The following AGBL4 variants were observed in gnomAD, a reference collection of about 807,000 sequenced individuals.
The protein encoded by AGBL4 is AGBL carboxypeptidase 4.
In AGBL4, 58 loss-of-function variants were observed where a neutral mutation model predicts 66.4. The observed-to-expected ratio is 0.87, with a 90% CI of 0.71 to 1.09. The LOEUF (loss-of-function observed/expected upper bound fraction) is 1.09. AGBL4 is among the 50% of genes least tolerant of loss of function. The probability of loss-of-function intolerance (pLI) is 0.00; values close to 1 mark genes in which losing one functional copy is unlikely to be tolerated. For missense variants in AGBL4, 579 were observed against 631.0 expected (o/e 0.92, Z 0.88); for synonymous variants, 234 against 222.9 (o/e 1.05, Z -0.44).
At chr1:49,757,624 C>T (rs1455622643) in intron 2 of AGBL4, among the ~76,000 whole-genome samples, 1 of 152,148 alleles carries the variant, frequency 6.6e-6, no homozygotes, top group South Asian at 2.1e-4. Flanking sequence ...AGATGAGGAC[C>T]TTCTTGAGAA....
chr1:48,681,612 C>G (rs1285158006), intron 6 of AGBL4, among the ~76,000 whole-genome samples: 2 of 152,204 alleles, frequency 1.3e-5, no homozygotes, highest in Non-Finnish European at 2.9e-5. Flanking sequence ...CTCCCAAGTC[C>G]TTGATGGAAT....
chr1:49,524,892 A>G (rs1477512382), intron 3 of AGBL4, among the ~76,000 whole-genome samples: 2 of 152,108 alleles, frequency 1.3e-5, no homozygotes, highest in Non-Finnish European at 2.9e-5. Context: ...TAGCAACCTC[A>G]GAGATGAACA....
At chr1:49,575,637 C>A (rs965626592) in intron 3 of AGBL4, among the ~76,000 whole-genome samples, 1 of 152,186 alleles carries the variant, frequency 6.6e-6, no homozygotes, top group Non-Finnish European at 1.5e-5. Flanking sequence ...ATAAGCTTAA[C>A]CAAGTGGCGA....
chr1:48,900,675 T>A (rs901551444), intron 5 of AGBL4, among the ~76,000 whole-genome samples: 2 of 152,222 alleles, frequency 1.3e-5, no homozygotes, highest in South Asian at 4.1e-4. Flanking sequence ...CAATTGGTTA[T>A]CCATATGGGG....
At chr1:49,536,620 A>G (rs570090545) in intron 3 of AGBL4, among the ~76,000 whole-genome samples, 2 of 152,322 alleles carry the variant, frequency 1.3e-5, no homozygotes, top group East Asian at 3.9e-4. Context: ...AAAAGAATGA[A>G]GCTGGAGGCA....
At chr1:49,400,347 A>G (rs955900161) in intron 3 of AGBL4, among the ~76,000 whole-genome samples, 3 of 152,048 alleles carry the variant, frequency 2.0e-5, no homozygotes, top group Non-Finnish European at 2.9e-5. Context: ...TTTGCTGAGG[A>G]TGGCTTTGGC....
chr1:49,961,064 G>C (rs1345497450), intron 1 of AGBL4, among the ~76,000 whole-genome samples: 1 of 152,060 alleles, frequency 6.6e-6, no homozygotes, highest in South Asian at 2.1e-4. Context: ...GGGTTACGTT[G>C]AAATTGATGA....
intron 3 of AGBL4, among the ~76,000 whole-genome samples, chr1:49,647,080 A>G (rs1190400523): frequency 6.6e-6 from 1 of 152,072 alleles, no homozygotes; most frequent in East Asian, 1.9e-4. Context: ...TAAAGACTTT[A>G]GAAAACACAG....
intron 1 of AGBL4, among the ~76,000 whole-genome samples, chr1:49,924,726 A>G (rs1045276099): frequency 1.3e-5 from 2 of 152,178 alleles, no homozygotes; most frequent in Non-Finnish European, 1.5e-5. Flanking sequence ...TGCTATTATT[A>G]TTTACACTGT....
At chr1:49,931,495 C>G (rs374505798) in intron 1 of AGBL4, among the ~76,000 whole-genome samples, 1 of 152,010 alleles carries the variant, frequency 6.6e-6, no homozygotes, top group Non-Finnish European at 1.5e-5. Flanking sequence ...GAGAGCAAGA[C>G]GGGGGAAGTG....
At position 49,530,274 on chromosome 1, in the gene AGBL4, A is replaced by AAAAAAAAAAAAAAAAAAAAAAAAAAAAT. The variant is rs1553221141; in HGVS notation, c.282+167038_282+167039insATTTTTTTTTTTTTTTTTTTTTTTTTTT. 1.5e-5 allele frequency among the ~76,000 whole-genome samples: 2 copies of AAAAAAAAAAAAAAAAAAAAAAAAAAAAT among 134,762 alleles called. 1 individual carries two copies. The highest frequency in any genetic ancestry group is 3.1e-5 in the Non-Finnish European group (2 of 65,272). 88.4% of individuals were successfully genotyped at this position (134,762 alleles called of 152,430 possible). On this transcript the variant is annotated intron_variant, in intron 3 of 13. Coordinates refer to ENST00000371839, the MANE Select transcript of AGBL4 (RefSeq NM_032785.4). ...GTAGAATTTGTAAAAAAAAAAAAAC[A>AAAAAAAAAAAAAAAAAAAAAAAAAAAAT]AAAAAAAACTCTATGAGTTTTTTTT...
At chr1:49,329,386 C>T (rs540734668) in intron 3 of AGBL4, among the ~76,000 whole-genome samples, 22 of 152,184 alleles carry the variant, frequency 1.4e-4, no homozygotes, top group African/African-American at 5.3e-4. Flanking sequence ...TAAAAATGTG[C>T]CGGGCGCGGT....
At chr1:48,581,600 G>A (rs917880784) in intron 11 of AGBL4, among the ~76,000 whole-genome samples, 3 of 152,148 alleles carry the variant, frequency 2.0e-5, no homozygotes, top group Admixed American at 2.0e-4. Context: ...TACTTGGCAG[G>A]CCAGTAAAAT....
chr1:49,853,773 G>A (rs1032850102), intron 1 of AGBL4, among the ~76,000 whole-genome samples: 1 of 151,630 alleles, frequency 6.6e-6, no homozygotes, highest in Non-Finnish European at 1.5e-5. Context: ...CAAAAGTCAA[G>A]GTAATGATAT....
At chr1:49,343,485 A>G (rs1374901640) in intron 3 of AGBL4, among the ~76,000 whole-genome samples, 1 of 152,178 alleles carries the variant, frequency 6.6e-6, no homozygotes, top group Non-Finnish European at 1.5e-5. Flanking sequence ...GTTTGGATCA[A>G]AGAAGCATAC....
intron 6 of AGBL4, among the ~76,000 whole-genome samples, chr1:48,699,319 C>A (rs182315879): frequency 6.6e-6 from 1 of 152,124 alleles, no homozygotes; most frequent in African/African-American, 2.4e-5. Flanking sequence ...TACTTTGTGG[C>A]GATGCTGTAA....
At chr1:48,782,962 T>G (rs911635811) in intron 6 of AGBL4, among the ~76,000 whole-genome samples, 3 of 152,198 alleles carry the variant, frequency 2.0e-5, no homozygotes, top group Non-Finnish European at 4.4e-5. Context: ...CCACTGATCT[T>G]TTTACTGTCT....
chr1:49,771,119 CTTG>C (rs1489924920), intron 2 of AGBL4, among the ~76,000 whole-genome samples: 2 of 152,024 alleles, frequency 1.3e-5, no homozygotes, highest in African/African-American at 4.8e-5. Flanking sequence ...CCTTCCCTTT[CTTG>C]TTGTACGTGC....
intron 3 of AGBL4, among the ~76,000 whole-genome samples, chr1:49,317,898 C>T (rs1383974593): frequency 6.6e-6 from 1 of 151,978 alleles, no homozygotes; most frequent in African/African-American, 2.4e-5. Flanking sequence ...TTTTATTTCA[C>T]TTTGTAGTTC....
Sources: allele counts gnomAD v4.1 joint callset (sites outside exome capture counted in the v4.1 genomes callset), GRCh38; gene constraint gnomAD v4.1.1; transcripts MANE v1.5; gene names NCBI Gene and HGNC (gene_info 2026-07-23, HGNC 2026-07-21).